The following TBC1D30 variants were observed in gnomAD, a reference collection of about 807,000 sequenced individuals.
TBC1D30 encodes the protein TBC1 domain family member 30.
TBC1D30 carries 31 observed loss-of-function variants against 63.2 expected under a neutral mutation model. The observed-to-expected ratio is 0.49, with a 90% CI of 0.37 to 0.66. The LOEUF is 0.66. Ranked by LOEUF, TBC1D30 falls within the 30% of genes least tolerant of loss-of-function variation. The pLI, the probability that TBC1D30 is intolerant of heterozygous loss-of-function variation, is 0.00. For missense variants in TBC1D30, 810 were observed against 953.6 expected, an observed-to-expected ratio of 0.85 and a Z score of 1.98; for synonymous variants, 307 against 361.5, an observed-to-expected ratio of 0.85 and a Z score of 1.71.
At chr12:64,780,630 G>A (rs957920014) in exon 1 of TBC1D30, among the ~76,000 whole-genome samples, 7 of 152,302 alleles carry the variant, frequency 4.6e-5, no homozygotes, top group Admixed American at 3.9e-4. Context: ...CCGGAGCGGA[G>A]GGGAGCGGCT....
chr12:64,793,904 G>T (rs1872094863), intron 2 of TBC1D30, among the ~76,000 whole-genome samples: 1 of 152,158 alleles, frequency 6.6e-6, no homozygotes, highest in African/African-American at 2.4e-5. Flanking sequence ...TCCTGTGGTG[G>T]ATCTCTTGTA....
chr12:64,805,439 C>T (rs749418268), intron 2 of TBC1D30, among the ~76,000 whole-genome samples: 1 of 152,118 alleles, frequency 6.6e-6, no homozygotes. Context: ...GTTCTGGAGT[C>T]CTGAATCCTG....
intron 2 of TBC1D30, among the ~76,000 whole-genome samples, chr12:64,802,698 C>A (rs991432269): frequency 1.3e-5 from 2 of 152,012 alleles, no homozygotes; most frequent in African/African-American, 2.4e-5. Flanking sequence ...ATCCTGTGTC[C>A]AAGTGTTCTC....
chr12:64,824,294 G>A (rs1036266827), upstream of TBC1D30, among the ~76,000 whole-genome samples: 4 of 152,136 alleles, frequency 2.6e-5, no homozygotes, highest in African/African-American at 7.2e-5. Context: ...TGAAGCGTGT[G>A]CCTCGCCGCC....
chr12:64,833,576 C>T (rs1272371918), intron 5 of TBC1D30, among the ~76,000 whole-genome samples: 1 of 152,068 alleles, frequency 6.6e-6, no homozygotes, highest in African/African-American at 2.4e-5. Context: ...TGGTGAATAC[C>T]TTATTGATAC....
Position 64,786,844 on chromosome 12 carries a change from G to A in TBC1D30, c.643+799G>A, listed in dbSNP as rs545916906. Among the ~76,000 whole-genome samples the A allele has an allele frequency of 2.0e-5, 3 of 152,034 alleles. No individual in the cohort carries two copies. In the East Asian group the frequency reaches 5.9e-4, roughly 30 times the overall value. The stretch of plus-strand genomic sequence containing the variant: ...TGTAGTCCCAGCTACTCAGGAGGTT[G>A]AGGCAGGAGAATCACTTGAACCTGG... On this transcript the variant is annotated intron_variant, in intron 2 of 12. Transcript: ENST00000542120.
Position 64,877,031 on chromosome 12 carries a change from A to G in TBC1D30, c.*1243A>G, listed in dbSNP as rs1369488321. 1.0e-5 allele frequency: 4 copies of G among 388,262 alleles called. No homozygotes were observed. Among genetic ancestry groups the G allele is most frequent in the African/African-American group, 2.1e-5 (1 of 48,346 alleles). 24.1% of individuals were successfully genotyped at this position (388,262 alleles called of 1,614,324 possible). On this transcript the variant is annotated 3_prime_UTR_variant, in exon 12 of 12. Transcript: ENST00000539867. ...TTGTACACAGATGTATTGGCTACAT[A>G]GCGTGTAAAAACCAAGACTGGGAAG...
chr12:64,853,814 G>C (rs1400867250), intron 8 of TBC1D30, among the ~76,000 whole-genome samples: 1 of 152,168 alleles, frequency 6.6e-6, no homozygotes, highest in Non-Finnish European at 1.5e-5. Context: ...CCCTCCGTGG[G>C]CTGCACCCAT....
intron 8 of TBC1D30, among the ~76,000 whole-genome samples, chr12:64,849,846 C>T (rs1341245194): frequency 6.6e-6 from 1 of 152,128 alleles, no homozygotes; most frequent in Non-Finnish European, 1.5e-5. Context: ...AGCATTGAAT[C>T]TGTAAATTAC....
At chr12:64,768,264 A>G (rs1870789682) in intron 1 of TBC1D30, 1 of 152,236 alleles carries the variant, frequency 6.6e-6, no homozygotes, top group South Asian at 2.1e-4. Flanking sequence ...TTAAATTTAT[A>G]TAATATAAAT....
exon 1 of TBC1D30, chr12:64,780,835 C>T (rs1441349257): frequency 7.5e-5 from 75 of 996,950 alleles, no homozygotes; most frequent in Non-Finnish European, 8.9e-5. Context: ...CCGGCGGGGG[C>T]CGCCCGGGGC....
chr12:64,819,806 C>T (rs1174022527), upstream of TBC1D30, among the ~76,000 whole-genome samples: 1 of 152,198 alleles, frequency 6.6e-6, no homozygotes, highest in Non-Finnish European at 1.5e-5. Context: ...GAGCTGTTTA[C>T]ACATGTTCAA....
intron 1 of TBC1D30, among the ~76,000 whole-genome samples, chr12:64,762,458 A>T (rs1424667588): frequency 6.6e-6 from 1 of 152,226 alleles, no homozygotes; most frequent in African/African-American, 2.4e-5. Context: ...AAAAGTGGAT[A>T]ACAGGGACAG....
At chr12:64,809,673 G>T (rs1873094520) in intron 2 of TBC1D30, among the ~76,000 whole-genome samples, 1 of 152,012 alleles carries the variant, frequency 6.6e-6, no homozygotes, top group Non-Finnish European at 1.5e-5. Context: ...CCGCCTTCTG[G>T]CCTGTTCCAG....
intron 3 of TBC1D30, among the ~76,000 whole-genome samples, chr12:64,829,061 A>G: frequency 6.6e-6 from 1 of 151,842 alleles, no homozygotes; most frequent in Admixed American, 6.6e-5. Context: ...GGGAAGCAAT[A>G]GGTGAGGGGG....
intron 1 of TBC1D30, among the ~76,000 whole-genome samples, chr12:64,767,863 G>A (rs1433201007): frequency 6.6e-6 from 1 of 151,166 alleles, no homozygotes; most frequent in Non-Finnish European, 1.5e-5. Context: ...GATTTTTAGA[G>A]GTCCTGGCGT....
rs577690468 is a variant in TBC1D30, at chr12:64,817,475, G to T, written c.644-10360G>T. ...TGCCTCCTGGAGGGTCTCACCAGGG[G>T]TGATGACCTGACCTGTGTCTCTTCA... On this transcript the variant is annotated intron_variant, in intron 2 of 12. Transcript: ENST00000542120. Among the ~76,000 whole-genome samples the T allele has an allele frequency of 9.8e-5, 15 of 152,304 alleles. 1 individual carries two copies. In the South Asian group the frequency reaches 2.5e-3, roughly 25 times the overall value.
In TBC1D30 at chr12:64,876,885, G is replaced by C; in HGVS notation, c.*1097G>C. 1 of 456,066 alleles carries C rather than the reference G, an allele frequency of 2.2e-6. No homozygotes were observed. Among genetic ancestry groups the C allele is most frequent in the Admixed American group, 2.3e-5 (1 of 42,578 alleles). 28.3% of individuals were successfully genotyped at this position (456,066 alleles called of 1,614,324 possible). ...TAGCACCTCTTGTCTCCACTATGCAGATGGGAACTCTGAGCCACACAGAGG... is the reference window on the plus strand; with the variant it reads ...TAGCACCTCTTGTCTCCACTATGCACATGGGAACTCTGAGCCACACAGAGG... On this transcript the variant is annotated 3_prime_UTR_variant, in exon 12 of 12. Coordinates refer to ENST00000539867, the MANE Select transcript of TBC1D30 (RefSeq NM_015279.2).
exon 1 of TBC1D30, chr12:64,781,078 C>T: frequency 9.9e-7 from 1 of 1,012,874 alleles, no homozygotes; most frequent in Non-Finnish European, 1.2e-6. Flanking sequence ...ACGAGCTGTA[C>T]AGCTGCACAG....
Sources: gnomAD v4.1 joint callset for allele counts (sites outside exome capture counted in the v4.1 genomes callset) on GRCh38, gnomAD v4.1.1 for gene constraint, MANE v1.5 for transcripts, NCBI Gene and HGNC (gene_info 2026-07-23, HGNC 2026-07-21) for gene names.